Variants in BCAT1 observed in about 807,000 individuals in gnomAD.
The protein encoded by BCAT1 is branched-chain-amino-acid aminotransferase, cytosolic.
Under a neutral mutation model 52.4 loss-of-function variants are expected in BCAT1, and 48 were observed. The ratio of observed to expected loss-of-function variants is 0.92; its 90% CI spans 0.73 to 1.16. BCAT1 has a LOEUF of 1.16. Ranked by LOEUF, BCAT1 falls within the 50% of genes most tolerant of loss-of-function variation. The probability of loss-of-function intolerance (pLI) is 0.00; values close to 1 mark genes in which losing one functional copy is unlikely to be tolerated. For missense variants in BCAT1, 451 were observed against 457.1 expected, an observed-to-expected ratio of 0.99 and a Z score of 0.12; for synonymous variants, 167 against 161.3, an observed-to-expected ratio of 1.04 and a Z score of -0.27.
At chr12:24,859,381 GA>G (rs1260056002) in intron 5 of BCAT1, among the ~76,000 whole-genome samples, 2 of 152,170 alleles carry the variant, frequency 1.3e-5, no homozygotes, top group African/African-American at 4.8e-5. Flanking sequence ...AGCACTTTGG[GA>G]GGCTGAGGCG....
At chr12:24,941,135 A>G (rs1943841220) in intron 1 of BCAT1, among the ~76,000 whole-genome samples, 1 of 152,238 alleles carries the variant, frequency 6.6e-6, no homozygotes, top group Non-Finnish European at 1.5e-5. Flanking sequence ...ACAGGCTGGC[A>G]TTACTGAGTT....
At chr12:24,848,958 T>G (rs1941422701) in intron 6 of BCAT1, among the ~76,000 whole-genome samples, 1 of 152,174 alleles carries the variant, frequency 6.6e-6, no homozygotes, top group East Asian at 1.9e-4. Flanking sequence ...GGTCATTGCC[T>G]CTAATACCCC....
At chr12:24,859,317 T>G (rs1200208160) in intron 5 of BCAT1, among the ~76,000 whole-genome samples, 2 of 152,170 alleles carry the variant, frequency 1.3e-5, no homozygotes, top group Non-Finnish European at 2.9e-5. Context: ...CTTCCCTCTA[T>G]CAATGAGTAA....
intron 10 of BCAT1, among the ~76,000 whole-genome samples, chr12:24,819,163 C>T (rs574382484): frequency 7.9e-5 from 12 of 152,214 alleles, no homozygotes; most frequent in African/African-American, 2.9e-4. Flanking sequence ...TTGACCACCA[C>T]CAAGACTGCT....
intron 1 of BCAT1, among the ~76,000 whole-genome samples, chr12:24,933,334 A>G (rs1161612131): frequency 1.3e-5 from 2 of 152,042 alleles, no homozygotes; most frequent in Non-Finnish European, 2.9e-5. Context: ...CCACCATTTC[A>G]TAAACAAAAA....
chr12:24,841,901 T>C (rs1239881040), intron 7 of BCAT1, among the ~76,000 whole-genome samples, 181 bp downstream of exon 7: 1 of 151,998 alleles, frequency 6.6e-6, no homozygotes, highest in East Asian at 1.9e-4. Context: ...TCCACCTCTT[T>C]AAAAAAGAAA....
At chr12:24,840,277 A>T (rs561698857) in intron 7 of BCAT1, among the ~76,000 whole-genome samples, 1 of 152,302 alleles carries the variant, frequency 6.6e-6, no homozygotes, top group South Asian at 2.1e-4. Context: ...TAATGATGGT[A>T]CCACCTCTGA....
Position 24,816,224 on chromosome 12 carries a change from T to C in BCAT1, c.*1784A>G. The C allele has an allele frequency of 3.1e-6, 1 of 319,090 alleles. No individual in the cohort carries two copies. The highest frequency in any genetic ancestry group is 5.7e-6 in the Non-Finnish European group (1 of 176,988). The allele number at this position is 319,090 out of a possible 1,614,324, so 19.8% of individuals were successfully genotyped here. A position where few individuals can be genotyped will look rare whatever the true frequency, so the allele number is the denominator to read the frequency against. On this transcript the variant is annotated 3_prime_UTR_variant, in exon 11 of 11. Transcript: ENST00000261192. ...GAAAAGAATCAAAGCCCATTTTCTA[T>C]GTGTTGCTAAATGCCTCAAGGAAAT...
At chr12:24,880,006 T>G (rs1182217213) in intron 4 of BCAT1, among the ~76,000 whole-genome samples, 1 of 152,206 alleles carries the variant, frequency 6.6e-6, no homozygotes, top group Admixed American at 6.5e-5. Context: ...AACTATGCCC[T>G]AGTCCAAAGA....
At chr12:24,936,699 T>G (rs1300164357) in intron 1 of BCAT1, among the ~76,000 whole-genome samples, 1 of 147,058 alleles carries the variant, frequency 6.8e-6, no homozygotes, top group Non-Finnish European at 1.5e-5. Flanking sequence ...GTAATGGAGC[T>G]CTTTAAATCT....
At chr12:24,891,979 G>T (rs953816057) in intron 3 of BCAT1, among the ~76,000 whole-genome samples, 1 of 150,866 alleles carries the variant, frequency 6.6e-6, no homozygotes, top group Non-Finnish European at 1.5e-5. Flanking sequence ...GGATGGTCTC[G>T]ATCTCCTGAC....
intron 7 of BCAT1, among the ~76,000 whole-genome samples, chr12:24,838,278 C>T (rs186985052): frequency 2.1e-3 from 317 of 152,198 alleles, no homozygotes; most frequent in African/African-American, 4.9e-3. Context: ...AAAAAATAAA[C>T]GAATAAGTTA....
At position 24,811,664 on chromosome 12, in the gene BCAT1, A is replaced by T. The variant is rs1478062614; in HGVS notation, c.*6344T>A. 2 of 152,136 alleles carry T rather than the reference A, an allele frequency of 1.3e-5. No individual in the cohort carries two copies. The highest frequency in any genetic ancestry group is 6.5e-5 in the Admixed American group (1 of 15,272). 9.4% of individuals were successfully genotyped at this position (152,136 alleles called of 1,614,324 possible). Reference sequence around the variant, plus strand: ...AAAATCCTTTTAACATAGCCTGCGGATGATCTTTCACAAAAGCCAAGCCTC... The same window carrying T: ...AAAATCCTTTTAACATAGCCTGCGGTTGATCTTTCACAAAAGCCAAGCCTC... On this transcript the variant is annotated 3_prime_UTR_variant, in exon 11 of 11. Coordinates refer to ENST00000261192, the MANE Select transcript of BCAT1 (RefSeq NM_005504.7).
intron 1 of BCAT1, among the ~76,000 whole-genome samples, chr12:24,911,182 T>C (rs1009720726): frequency 1.1e-4 from 17 of 152,230 alleles, no homozygotes; most frequent in African/African-American, 3.9e-4. Context: ...AATATTTTCA[T>C]TATTATTCTG....
At chr12:24,907,717 A>G (rs1371685923) in intron 1 of BCAT1, among the ~76,000 whole-genome samples, 1 of 152,160 alleles carries the variant, frequency 6.6e-6, no homozygotes, top group Admixed American at 6.5e-5. Context: ...GGTACTTTGT[A>G]ATATTCTCCT....
intron 6 of BCAT1, among the ~76,000 whole-genome samples, chr12:24,846,102 A>G (rs899022834): frequency 1.3e-5 from 2 of 152,252 alleles, no homozygotes; most frequent in African/African-American, 4.8e-5. Context: ...ACAAATGCAT[A>G]CACATTTCTG....
intron 10 of BCAT1, among the ~76,000 whole-genome samples, chr12:24,825,893 C>T (rs576934308): frequency 1.3e-5 from 2 of 152,214 alleles, no homozygotes; most frequent in East Asian, 1.9e-4. Context: ...CTTTGATAGC[C>T]TATGCTTTTT....
At chr12:24,912,795 A>G (rs60503566) in intron 1 of BCAT1, among the ~76,000 whole-genome samples, 24,417 of 152,168 alleles carry the variant, frequency 0.16, 2,661 homozygotes, top group South Asian at 0.37. Context: ...TATGTTCAAG[A>G]AAATAGACTG....
chr12:24,880,844 G>T (rs375218279), intron 4 of BCAT1, among the ~76,000 whole-genome samples: 16 of 141,864 alleles, frequency 1.1e-4, no homozygotes, highest in South Asian at 4.4e-4. Context: ...TTTGTTTTTT[G>T]TTTTTTTTTT....
Sources: gnomAD v4.1 joint callset for allele counts (sites outside exome capture counted in the v4.1 genomes callset) on GRCh38, gnomAD v4.1.1 for gene constraint, MANE v1.5 for transcripts, NCBI Gene and HGNC (gene_info 2026-07-23, HGNC 2026-07-21) for gene names.